Variants in HRH1 observed in about 807,000 individuals in gnomAD.
HRH1 encodes the protein histamine receptor H1.
In HRH1, 6 loss-of-function variants were observed where a neutral mutation model predicts 10.3. That is an observed-to-expected ratio of 0.58 (90% CI 0.32 to 1.15). HRH1 has a LOEUF of 1.15. Ranked by LOEUF, HRH1 falls within the 50% of genes most tolerant of loss-of-function variation. The probability of loss-of-function intolerance (pLI) is 0.05; values close to 1 mark genes in which losing one functional copy is unlikely to be tolerated. For synonymous variants in HRH1, 242 were observed against 236.7 expected (o/e 1.02, Z -0.21); for missense variants, 514 against 615.3 (o/e 0.84, Z 1.74).
chr3:11,231,641 A>G (rs1265392363), intron 1 of HRH1, among the ~76,000 whole-genome samples: 1 of 152,128 alleles, frequency 6.6e-6, no homozygotes, highest in Non-Finnish European at 1.5e-5. Flanking sequence ...CATCTGTTTG[A>G]TGAAATGTTT....
intron 1 of HRH1, among the ~76,000 whole-genome samples, chr3:11,249,637 T>C (rs1390036835): frequency 6.6e-6 from 1 of 152,184 alleles, no homozygotes; most frequent in African/African-American, 2.4e-5. Context: ...GTACTCCCTT[T>C]AGTGAAACAA....
chr3:11,252,368 C>T (rs886267692), intron 1 of HRH1, among the ~76,000 whole-genome samples: 2 of 152,202 alleles, frequency 1.3e-5, no homozygotes, highest in Non-Finnish European at 2.9e-5. Context: ...AAAGCTGCTA[C>T]TTCTTTTCTA....
chr3:11,185,052 A>G (rs200138139), intron 1 of HRH1, among the ~76,000 whole-genome samples: 2 of 145,062 alleles, frequency 1.4e-5, no homozygotes, highest in East Asian at 4.0e-4. Flanking sequence ...AAAAAAAAAA[A>G]CCCTGCCAGT....
At chr3:11,240,216 A>T (rs1313511517) in intron 1 of HRH1, among the ~76,000 whole-genome samples, 1 of 152,144 alleles carries the variant, frequency 6.6e-6, no homozygotes, top group Non-Finnish European at 1.5e-5. Context: ...AGCATTCTGC[A>T]TCCCCTATGA....
chr3:11,189,432 G>A (rs1041056206), intron 1 of HRH1, among the ~76,000 whole-genome samples: 3 of 152,150 alleles, frequency 2.0e-5, no homozygotes, highest in Non-Finnish European at 4.4e-5. Flanking sequence ...GAATAGTGCA[G>A]GGGACATCAT....
chr3:11,199,541 G>A (rs1040235918), intron 1 of HRH1, among the ~76,000 whole-genome samples: 1 of 152,106 alleles, frequency 6.6e-6, no homozygotes, highest in African/African-American at 2.4e-5. Context: ...TGCCTCCCCA[G>A]TGCTCTCACA....
intron 1 of HRH1, among the ~76,000 whole-genome samples, chr3:11,194,528 C>T (rs1937605856): frequency 6.6e-6 from 1 of 152,206 alleles, no homozygotes; most frequent in African/African-American, 2.4e-5. Context: ...TACTTAATAA[C>T]TTTTAAAGTC....
intron 1 of HRH1, among the ~76,000 whole-genome samples, chr3:11,192,472 A>G (rs963021669): frequency 6.6e-6 from 1 of 152,132 alleles, no homozygotes; most frequent in African/African-American, 2.4e-5. Context: ...GTATGCATCT[A>G]CTGTTGAGGT....
At chr3:11,234,187 GACA>G (rs1939113786) in intron 1 of HRH1, 2 of 958,012 alleles carry the variant, frequency 2.1e-6, no homozygotes, top group Non-Finnish European at 3.1e-6. Context: ...CTTGGAAGGT[GACA>G]ACAAGGTCTT....
At chr3:11,204,573 G>A (rs1938047500) in intron 1 of HRH1, among the ~76,000 whole-genome samples, 1 of 152,178 alleles carries the variant, frequency 6.6e-6, no homozygotes, top group South Asian at 2.1e-4. Context: ...GAAGGGGAAG[G>A]CCGGGATCAG....
At chr3:11,215,473 C>T (rs1248926465) in intron 1 of HRH1, among the ~76,000 whole-genome samples, 1 of 152,144 alleles carries the variant, frequency 6.6e-6, no homozygotes, top group African/African-American at 2.4e-5. Flanking sequence ...TAGAGTCTCG[C>T]TCTATCGCCC....
intron 1 of HRH1, among the ~76,000 whole-genome samples, chr3:11,187,703 G>A (rs1937472797): frequency 6.6e-6 from 1 of 152,336 alleles, no homozygotes; most frequent in East Asian, 1.9e-4. Context: ...TCTTCAGGAA[G>A]CATCAATCCT....
In HRH1 at chr3:11,170,685, C is replaced by T. The variant is rs906177000; in HGVS notation, c.-36+16131C>T. Among the ~76,000 whole-genome samples the T allele has an allele frequency of 8.5e-5, 13 of 152,326 alleles. No individual in the cohort carries two copies. In the East Asian group the frequency reaches 1.5e-3, roughly 18 times the overall value. ...CATAGTCAGATGAACACAAGGGTTA[C>T]GAGCACACAGAAGTCGGCAGGGAGC... is the stretch of plus-strand genomic sequence containing the variant. On this transcript the variant is annotated intron_variant, in intron 1 of 1. Transcript: ENST00000431010.
intron 1 of HRH1, among the ~76,000 whole-genome samples, chr3:11,224,617 G>A (rs541290446): frequency 6.6e-6 from 1 of 151,880 alleles, no homozygotes; most frequent in Non-Finnish European, 1.5e-5. Context: ...GGAGAATGGC[G>A]TGAACCCAGG....
Position 11,262,880 on chromosome 3 carries a change from C to G in HRH1, c.*2379C>G, listed in dbSNP as rs1939993089. On this transcript the variant is annotated 3_prime_UTR_variant, in exon 2 of 2. Transcript: ENST00000431010. ...TATAGTGTCTGGTATACAGAGGGCA[C>G]TCCTATGCATTTTTAAAACATGCTG... 1.2e-5 allele frequency: 2 copies of G among 167,094 alleles called. No homozygotes were observed. Among genetic ancestry groups the G allele is most frequent in the African/African-American group, 4.8e-5 (2 of 41,462 alleles). 10.4% of individuals were successfully genotyped at this position (167,094 alleles called of 1,614,324 possible). A position where few individuals can be genotyped will look rare whatever the true frequency, so the allele number is the denominator to read the frequency against.
chr3:11,175,224 C>A (rs553094819), intron 1 of HRH1, among the ~76,000 whole-genome samples: 1 of 152,278 alleles, frequency 6.6e-6, no homozygotes, highest in East Asian at 1.9e-4. Flanking sequence ...GCCATTAAAC[C>A]TTTGAAGTAG....
intron 1 of HRH1, among the ~76,000 whole-genome samples, chr3:11,253,456 G>A (rs1939702824): frequency 6.6e-6 from 1 of 152,200 alleles, no homozygotes; most frequent in Non-Finnish European, 1.5e-5. Context: ...GTGACAAAGT[G>A]GAGCTTTAAC....
chr3:11,237,437 G>T (rs1344299480), intron 1 of HRH1, among the ~76,000 whole-genome samples: 3 of 152,036 alleles, frequency 2.0e-5, no homozygotes, highest in African/African-American at 7.2e-5. Context: ...AGTGAAACTT[G>T]CTCTTCAGTC....
chr3:11,180,948 T>TACACACACAC (rs71055851), intron 1 of HRH1, among the ~76,000 whole-genome samples: 1,759 of 121,094 alleles, frequency 0.015, 71 homozygotes, highest in Middle Eastern at 0.026. Flanking sequence ...CTCTCAGGCA[T>TACACACACAC]ACACACACAC....
Sources: gnomAD v4.1 joint callset for allele counts (sites outside exome capture counted in the v4.1 genomes callset) on GRCh38, gnomAD v4.1.1 for gene constraint, MANE v1.5 for transcripts, NCBI Gene and HGNC (gene_info 2026-07-23, HGNC 2026-07-21) for gene names.